Variants in IMPG1 observed in about 807,000 individuals in gnomAD.
IMPG1 encodes interphotoreceptor matrix proteoglycan of 150 kDa.
In IMPG1, 85 loss-of-function variants were observed where a neutral mutation model predicts 92.0. The ratio of observed to expected loss-of-function variants is 0.92; its 90% CI spans 0.78 to 1.11. The LOEUF is 1.11. IMPG1 is among the 50% of genes least tolerant of loss of function. IMPG1 has a pLI of 0.00. For synonymous variants in IMPG1, 367 were observed against 334.1 expected (o/e 1.10, Z -1.08); for missense variants, 1,022 against 956.0 (o/e 1.07, Z -0.91).
chr6:76,041,718 C>T (rs1412302181), intron 2 of IMPG1, among the ~76,000 whole-genome samples, 175 bp downstream of exon 2: 1 of 152,176 alleles, frequency 6.6e-6, no homozygotes, highest in Non-Finnish European at 1.5e-5. Context: ...CTGATATCTA[C>T]CATAGTTTTG....
At chr6:75,974,330 CCTTT>C (rs558072098) in intron 12 of IMPG1, among the ~76,000 whole-genome samples, 13,539 of 97,992 alleles carry the variant, frequency 0.14, 1,219 homozygotes, top group Non-Finnish European at 0.16. Flanking sequence ...TCTTTCTTTC[CCTTT>C]CTTTCTTTCT....
chr6:76,056,133 A>T (rs745617622), intron 1 of IMPG1, among the ~76,000 whole-genome samples: 1 of 152,226 alleles, frequency 6.6e-6, no homozygotes, highest in Non-Finnish European at 1.5e-5. Context: ...GCAATGTATG[A>T]CCCAGTTTGA....
chr6:75,967,348 G>A (rs759310314), intron 12 of IMPG1, among the ~76,000 whole-genome samples: 2 of 152,108 alleles, frequency 1.3e-5, no homozygotes, highest in Non-Finnish European at 2.9e-5. Flanking sequence ...CCTTTGGTGG[G>A]TTGGGGGTGA....
At chr6:76,043,741 A>G (rs1783886147) in intron 1 of IMPG1, among the ~76,000 whole-genome samples, 1 of 152,216 alleles carries the variant, frequency 6.6e-6, no homozygotes, top group Non-Finnish European at 1.5e-5. Context: ...CTTACACAGT[A>G]AGAAAGTTGT....
At chr6:76,000,952 T>C (rs995775395) in intron 12 of IMPG1, among the ~76,000 whole-genome samples, 1 of 152,174 alleles carries the variant, frequency 6.6e-6, no homozygotes, top group Non-Finnish European at 1.5e-5. Flanking sequence ...AAACATAGTA[T>C]AATAGATGTA....
Position 75,947,376 on chromosome 6 carries a change from C to A in IMPG1, c.1982G>T (p.Arg661Leu). ...ATGGAGTTGTTGGGCTGCAGCAGAA[C>A]GAAAATCCTCCAAGACCCCGTGCAC... ...KAVHGVLEDF[R>L]SAAAQQLHLE... is the part of the protein sequence containing the mutation. Residue 661 changes from arginine (R) to leucine (L), a missense_variant, in exon 14 of 17, where the codon CGT becomes CTT. Transcript: ENST00000369950. The A allele has an allele frequency of 6.2e-7, 1 of 1,613,956 alleles. No individual in the cohort carries two copies. The highest frequency in any genetic ancestry group is 8.5e-7 in the Non-Finnish European group (1 of 1,179,904).
In IMPG1 at chr6:76,069,852, C is replaced by A. The variant is rs777744725; in HGVS notation, c.67+2570G>T. On this transcript the variant is annotated intron_variant, in intron 1 of 16. Transcript: ENST00000369950. ...GCAACAACATGAATAAAGCTGGAGA[C>A]CGCTATCCTAAGTAAATTAATGCAG... Among the ~76,000 whole-genome samples, 29 of 152,252 alleles carry A rather than the reference C, an allele frequency of 1.9e-4. No homozygotes were observed. The South Asian group carries it at 3.1e-3, about 16-fold the overall frequency.
chr6:76,025,185 T>C lies in IMPG1; in HGVS notation c.562+9A>G, dbSNP rs745562310. ...AGTTGAGAAGCAAAGAAATTAGATC[T>C]AAGCTTACCTGTTGAAATGACAATG... On this transcript the variant is annotated intron_variant, in intron 5 of 16. Transcript: ENST00000369950. 1 of 1,552,922 alleles carries C rather than the reference T, an allele frequency of 6.4e-7. No individual in the cohort carries two copies. The highest frequency in any genetic ancestry group is 1.7e-5 in the Admixed American group (1 of 58,692).
In IMPG1 at chr6:76,003,538, A is replaced by T. The variant is rs189932142; in HGVS notation, c.1212+336T>A. ...TGTTTATATATATTTCTGAAAGTCAAATAATATGTTCTGCTTTAATTATTC... is the reference window on the plus strand; with the variant it reads ...TGTTTATATATATTTCTGAAAGTCATATAATATGTTCTGCTTTAATTATTC... On this transcript the variant is annotated intron_variant, in intron 11 of 16. Transcript: ENST00000369950. Among the ~76,000 whole-genome samples, 23 of 152,304 alleles carry T rather than the reference A, an allele frequency of 1.5e-4. No individual in the cohort carries two copies. In the East Asian group the frequency reaches 3.9e-3, roughly 26 times the overall value.
At chr6:76,011,463 T>A (rs887404915) in intron 7 of IMPG1, among the ~76,000 whole-genome samples, 2 of 152,190 alleles carry the variant, frequency 1.3e-5, no homozygotes, top group Non-Finnish European at 2.9e-5. Flanking sequence ...AGTGTTTTGC[T>A]ATTTATTTAA....
chr6:75,980,399 T>C (rs1471274741), intron 12 of IMPG1, among the ~76,000 whole-genome samples: 1 of 152,224 alleles, frequency 6.6e-6, no homozygotes, highest in African/African-American at 2.4e-5. Flanking sequence ...CTTGACTGGA[T>C]TGAAGGATGC....
intron 1 of IMPG1, among the ~76,000 whole-genome samples, chr6:76,067,334 A>G (rs2127598939): frequency 6.6e-6 from 1 of 152,232 alleles, no homozygotes; most frequent in African/African-American, 2.4e-5. Context: ...TATAAGCACA[A>G]TCACAAATGA....
At chr6:76,034,902 C>G (rs1315962878) in intron 2 of IMPG1, 115 bp from the exon 3 acceptor site, 6 of 852,032 alleles carry the variant, frequency 7.0e-6, no homozygotes, top group Non-Finnish European at 1.1e-5. Context: ...CACTAATTTA[C>G]AGTCTCTAAA....
At chr6:75,997,598 C>A (rs764360848) in intron 12 of IMPG1, among the ~76,000 whole-genome samples, 1 of 152,132 alleles carries the variant, frequency 6.6e-6, no homozygotes, top group African/African-American at 2.4e-5. Flanking sequence ...TTGCCTTACA[C>A]GTGAGGCTGT....
At chr6:76,062,879 G>A (rs1301968598) in intron 1 of IMPG1, among the ~76,000 whole-genome samples, 1 of 144,800 alleles carries the variant, frequency 6.9e-6, no homozygotes, top group Non-Finnish European at 1.5e-5. Context: ...TTTTCCCCTA[G>A]TATGGCTAAC....
At chr6:76,054,992 A>T (rs1582133425) in intron 1 of IMPG1, among the ~76,000 whole-genome samples, 1 of 152,132 alleles carries the variant, frequency 6.6e-6, no homozygotes, top group African/African-American at 2.4e-5. Context: ...ACATTTTAAG[A>T]TATCTCTCTT....
At chr6:76,055,585 T>C (rs996740397) in intron 1 of IMPG1, among the ~76,000 whole-genome samples, 1 of 151,238 alleles carries the variant, frequency 6.6e-6, no homozygotes, top group African/African-American at 2.4e-5. Flanking sequence ...ATCATAAATA[T>C]AAATGAAAAA....
In IMPG1 at chr6:75,925,696, C is replaced by T. The variant is rs1204166213; in HGVS notation, c.2244-1990G>A. Among the ~76,000 whole-genome samples the T allele has an allele frequency of 3.6e-5, 5 of 139,714 alleles. No homozygotes were observed. The East Asian group carries it at 6.6e-4, about 18-fold the overall frequency. The allele number at this position is 139,714 out of a possible 152,430, so 91.7% of individuals were successfully genotyped here. ...TTGTTTGTTTGTTTTGAGACAGTCT[C>T]GCTCTGTCACCCAGGCTGGAGTGCA... On this transcript the variant is annotated intron_variant, in intron 15 of 16. Coordinates refer to ENST00000369950, the MANE Select transcript of IMPG1 (RefSeq NM_001563.4).
chr6:75,931,252 A>C, intron 14 of IMPG1, 101 bp from the exon 15 acceptor site: 1 of 1,070,222 alleles, frequency 9.3e-7, no homozygotes, highest in Non-Finnish European at 1.4e-6. Flanking sequence ...CTATTACCTC[A>C]TTTTGGAGTG....
Sources: allele counts gnomAD v4.1 joint callset (sites outside exome capture counted in the v4.1 genomes callset), GRCh38; gene constraint gnomAD v4.1.1; transcripts MANE v1.5; gene names NCBI Gene and HGNC (gene_info 2026-07-23, HGNC 2026-07-21).